Variants in CCDC88A observed in about 807,000 individuals in gnomAD.
CCDC88A encodes the protein coiled-coil and HOOK domain protein 88A, also known as girdin.
CCDC88A carries 54 observed loss-of-function variants against 234.3 expected under a neutral mutation model. The ratio of observed to expected loss-of-function variants is 0.23; its 90% CI spans 0.19 to 0.29. The LOEUF (loss-of-function observed/expected upper bound fraction) is 0.29. CCDC88A is among the 10% of genes least tolerant of loss of function. The pLI is 1.00. For missense variants in CCDC88A, 1,832 were observed against 2,123.4 expected (o/e 0.86, Z 2.70); for synonymous variants, 753 against 737.8 (o/e 1.02, Z -0.33).
chr2:55,294,804 A>G (rs1289735371), intron 31 of CCDC88A: 9 of 1,009,076 alleles, frequency 8.9e-6, no homozygotes, highest in Non-Finnish European at 1.1e-5. Flanking sequence ...AAAAAATGTG[A>G]AGGAGGAGCA....
In CCDC88A at chr2:55,335,560, G is replaced by A. The variant is rs1685380911; in HGVS notation, c.1657-396C>T. Among the ~76,000 whole-genome samples the A allele has an allele frequency of 1.3e-5, 2 of 152,154 alleles. No individual in the cohort carries two copies. ...GTTCTACTTTTACTAAGTAACCTTT[G>A]CAATGCCTACAGTGGGTCCTCAGTA... On this transcript the variant is annotated intron_variant, in intron 14 of 32. Coordinates refer to ENST00000436346, the MANE Select transcript of CCDC88A (RefSeq NM_001365480.1). This position sits in a 1 kb window ranked among gnomAD's most constrained non-coding sequence, Gnocchi z 4.5.
intron 4 of CCDC88A, among the ~76,000 whole-genome samples, chr2:55,373,185 A>G (rs17046959): frequency 0.062 from 9,376 of 152,298 alleles, 923 homozygotes; most frequent in African/African-American, 0.2. Context: ...CACTGGGCCA[A>G]TCTGTCTATG....
intron 18 of CCDC88A, chr2:55,320,897 G>C (rs1362051298): frequency 2.0e-5 from 3 of 152,094 alleles, no homozygotes; most frequent in Non-Finnish European, 4.4e-5. Flanking sequence ...ATCACTTGCG[G>C]CCAGGAGTTC....
Position 55,328,186 on chromosome 2 carries a change from CTAAA to C in CCDC88A, c.2997+104_2997+107del, listed in dbSNP as rs1684493811. 15 of 864,962 alleles carry C rather than the reference CTAAA, an allele frequency of 1.7e-5. No individual in the cohort carries two copies. The East Asian group carries it at 4.2e-4, about 24-fold the overall frequency. The allele number at this position is 864,962 out of a possible 1,614,324, so 53.6% of individuals were successfully genotyped here. On this transcript the variant is annotated intron_variant, in intron 17 of 32. Coordinates refer to ENST00000436346, the MANE Select transcript of CCDC88A (RefSeq NM_001365480.1). The surrounding 1 kb of genome is among the most constrained non-coding windows in gnomAD (Gnocchi z 4.3). ...AGTTTATGAAAAAGGAAGAAATAGA[CTAAA>C]TATCAATAAAATGTTTATATTTTTA...
intron 7 of CCDC88A, among the ~76,000 whole-genome samples, chr2:55,361,149 T>C (rs1671253980): frequency 6.6e-6 from 1 of 152,154 alleles, no homozygotes; most frequent in African/African-American, 2.4e-5. Context: ...TTTTTAGGAA[T>C]AATTCCTCAG....
At chr2:55,370,327 A>G (rs1432293780) in intron 5 of CCDC88A, among the ~76,000 whole-genome samples, 1 of 152,088 alleles carries the variant, frequency 6.6e-6, no homozygotes. Context: ...TACAGTTGAT[A>G]AAACCTATTC....
At chr2:55,414,160 T>C (rs968830871) in intron 2 of CCDC88A, among the ~76,000 whole-genome samples, 1 of 152,222 alleles carries the variant, frequency 6.6e-6, no homozygotes, top group Non-Finnish European at 1.5e-5. Flanking sequence ...TCTGATACTA[T>C]TAACAATTTT....
intron 3 of CCDC88A, among the ~76,000 whole-genome samples, chr2:55,382,867 C>T (rs1332392709): frequency 1.3e-5 from 2 of 152,066 alleles, no homozygotes; most frequent in Non-Finnish European, 2.9e-5. Flanking sequence ...TTAATCACAA[C>T]AGAAATTGTT....
chr2:55,296,088 G>A, intron 30 of CCDC88A, 32 bp from the exon 31 acceptor site: 1 of 1,487,346 alleles, frequency 6.7e-7, no homozygotes, highest in Non-Finnish European at 9.1e-7. Context: ...GCAGATTAGT[G>A]AATATAGTGC....
chr2:55,317,171 TA>T lies in CCDC88A; in HGVS notation c.3746+34del. ...CATATATATGTATATACTTTCTATA[TA>T]AAATGTTTGTTATATATAATATATA... On this transcript the variant is annotated intron_variant, in intron 21 of 32. Transcript: ENST00000436346. The surrounding 1 kb of genome is among the most constrained non-coding windows in gnomAD (Gnocchi z 4.2). 1.0e-6 allele frequency: 1 copy of T among 955,854 alleles called. No homozygotes were observed. Among genetic ancestry groups the T allele is most frequent in the Non-Finnish European group, 1.4e-6 (1 of 700,212 alleles). 59.2% of individuals were successfully genotyped at this position (955,854 alleles called of 1,614,324 possible).
intron 8 of CCDC88A, 55 bp downstream of exon 8, chr2:55,355,524 T>C: frequency 2.8e-6 from 4 of 1,416,280 alleles, no homozygotes; most frequent in Non-Finnish European, 4.0e-6. Flanking sequence ...AAATATTGTT[T>C]AGGTCACCTT....
At position 55,355,701 on chromosome 2, in the gene CCDC88A, A is replaced by G. The variant is rs1670481115; in HGVS notation, c.678T>C (p.His226=). The G allele has an allele frequency of 6.2e-7, 1 of 1,613,988 alleles. No homozygotes were observed. Among genetic ancestry groups the G allele is most frequent in the Non-Finnish European group, 8.5e-7 (1 of 1,179,862 alleles). ...EERDGLHFLP[H]ASSSAQSPCG... ...AGGGTGACTGTGCAGATGAAGAGGC[A>G]TGGGGTAGAAAATGGAGACCATCCC... The change falls in exon 8 of 33, where the codon CAT becomes CAC. Residue 226 remains histidine, a synonymous_variant. Coordinates refer to ENST00000436346, the MANE Select transcript of CCDC88A (RefSeq NM_001365480.1).
chr2:55,311,100 C>T (rs567450595), intron 23 of CCDC88A, among the ~76,000 whole-genome samples: 1 of 152,258 alleles, frequency 6.6e-6, no homozygotes, highest in South Asian at 2.1e-4. Context: ...AGTAAGACAA[C>T]AAAGCTTTGG....
chr2:55,321,529 G>A (rs1187009449), intron 18 of CCDC88A, among the ~76,000 whole-genome samples: 1 of 151,672 alleles, frequency 6.6e-6, no homozygotes, highest in Non-Finnish European at 1.5e-5. Context: ...CAATTCCTGG[G>A]CGACAAAGTG....
rs1681895911 is a variant in CCDC88A at position 55,418,902 on chromosome 2, T to G, written c.78A>C (p.Gly26=). 1 of 1,613,560 alleles carries G rather than the reference T, an allele frequency of 6.2e-7. No individual in the cohort carries two copies. Among genetic ancestry groups the G allele is most frequent in the Non-Finnish European group, 8.5e-7 (1 of 1,179,852 alleles). Reference sequence around the variant, plus strand: ...TGGTCCCATTTCCTGCGGCCAGAGGTCCAAACGTTTTAACCTAGAACAAAC... The same window carrying G: ...TGGTCCCATTTCCTGCGGCCAGAGGGCCAAACGTTTTAACCTAGAACAAAC... ...SPLVTWVKTF[G]PLAAGNGTNL... is the part of the protein sequence containing the mutation. The change falls in exon 2 of 33, where the codon GGA becomes GGC. Residue 26 remains glycine, a synonymous_variant. Coordinates refer to ENST00000436346, the MANE Select transcript of CCDC88A (RefSeq NM_001365480.1).
chr2:55,406,458 TAATCA>T (rs1679605412), intron 2 of CCDC88A, among the ~76,000 whole-genome samples: 1 of 152,110 alleles, frequency 6.6e-6, no homozygotes, highest in Non-Finnish European at 1.5e-5. Flanking sequence ...GTTCAGGTCT[TAATCA>T]AGGACTAGTG....
At chr2:55,409,933 G>A (rs1017582742) in intron 2 of CCDC88A, among the ~76,000 whole-genome samples, 1 of 151,730 alleles carries the variant, frequency 6.6e-6, no homozygotes, top group Non-Finnish European at 1.5e-5. Flanking sequence ...TAGAGACGGG[G>A]TTTCACCATA....
intron 2 of CCDC88A, among the ~76,000 whole-genome samples, chr2:55,408,108 T>G (rs568442408): frequency 6.6e-6 from 1 of 152,196 alleles, no homozygotes; most frequent in East Asian, 1.9e-4. Context: ...AGAAAGTTCC[T>G]TCTCCACTTT....
intron 17 of CCDC88A, 123 bp from the exon 18 acceptor site, chr2:55,322,815 T>C (rs1416209924): frequency 6.3e-6 from 3 of 477,904 alleles, no homozygotes; most frequent in South Asian, 1.1e-4. Context: ...TTAAATGTGA[T>C]GAATAATATG....
Sources: gnomAD v4.1 joint callset for allele counts (sites outside exome capture counted in the v4.1 genomes callset) on GRCh38, gnomAD v4.1.1 for gene constraint, Gnocchi (gnomAD v3.1) non-coding constraint, MANE v1.5 for transcripts, NCBI Gene and HGNC (gene_info 2026-07-23, HGNC 2026-07-21) for gene names.